CLMP: variants seen among roughly 807,000 people sequenced by gnomAD.
CLMP encodes CXADR like cell adhesion molecule.
CLMP carries 27 observed loss-of-function variants against 45.2 expected under a neutral mutation model. The observed-to-expected ratio is 0.60, with a 90% CI of 0.44 to 0.82. The LOEUF (loss-of-function observed/expected upper bound fraction) is 0.82. Ranked by LOEUF, CLMP falls within the 40% of genes least tolerant of loss-of-function variation. The pLI is 0.00. For missense variants in CLMP, 403 were observed against 448.4 expected (o/e 0.90, Z 0.91); for synonymous variants, 167 against 171.4 (o/e 0.97, Z 0.20).
intron 1 of CLMP, among the ~76,000 whole-genome samples, chr11:123,175,361 G>A (rs1191648682): frequency 2.0e-5 from 3 of 152,154 alleles, no homozygotes; most frequent in Admixed American, 6.5e-5. Flanking sequence ...CAGATCTCAC[G>A]AGAACTCACT....
At chr11:123,087,328 A>T (rs1256773603) in intron 2 of CLMP, among the ~76,000 whole-genome samples, 4 of 150,732 alleles carry the variant, frequency 2.7e-5, no homozygotes, top group African/African-American at 9.8e-5. Context: ...CAAGAGCGAA[A>T]CTCCGTCTCA....
chr11:123,091,055 C>T (rs1038273147), intron 2 of CLMP, among the ~76,000 whole-genome samples: 5 of 152,146 alleles, frequency 3.3e-5, no homozygotes, highest in Non-Finnish European at 7.4e-5. Context: ...TACTGTGGTA[C>T]TGGAGTGATT....
rs568019451 is a variant in CLMP at position 123,119,745 on chromosome 11, G to A, written c.29-21793C>T. On this transcript the variant is annotated intron_variant, in intron 1 of 6. Coordinates refer to ENST00000448775, the MANE Select transcript of CLMP (RefSeq NM_024769.5). ...TTTGTTGCTCAGACTGGAGTACAGCGGTGCAATGTCTGCTCACAGCAATCT... is the reference window on the plus strand; with the variant it reads ...TTTGTTGCTCAGACTGGAGTACAGCAGTGCAATGTCTGCTCACAGCAATCT... Among the ~76,000 whole-genome samples the A allele has an allele frequency of 8.6e-5, 13 of 151,632 alleles. No individual in the cohort carries two copies. In the South Asian group the frequency reaches 1.0e-3, roughly 12 times the overall value.
At chr11:123,076,631 G>A (rs865797902) in intron 5 of CLMP, among the ~76,000 whole-genome samples, 1 of 152,156 alleles carries the variant, frequency 6.6e-6, no homozygotes, top group African/African-American at 2.4e-5. Flanking sequence ...GCAGAAAACA[G>A]CAAGTACAAT....
intron 1 of CLMP, among the ~76,000 whole-genome samples, chr11:123,185,661 A>G (rs1861825523): frequency 6.6e-6 from 1 of 152,116 alleles, no homozygotes; most frequent in African/African-American, 2.4e-5. Flanking sequence ...GCAGATGGGT[A>G]CCAGGCCTCC....
At chr11:123,112,430 A>C (rs1469784031) in intron 1 of CLMP, among the ~76,000 whole-genome samples, 1 of 144,848 alleles carries the variant, frequency 6.9e-6, no homozygotes, top group Non-Finnish European at 1.5e-5. Flanking sequence ...CTCCGCCTCC[A>C]GGGTTGAAGT....
chr11:123,150,581 GA>G lies in CLMP; in HGVS notation c.28+44331del, dbSNP rs1368807635. Among the ~76,000 whole-genome samples, 14 of 108,844 alleles carry G rather than the reference GA, an allele frequency of 1.3e-4. 1 individual carries two copies. Among genetic ancestry groups the G allele is most frequent in the African/African-American group, 5.5e-4 (12 of 21,738 alleles). 71.4% of individuals were successfully genotyped at this position (108,844 alleles called of 152,430 possible). A position where few individuals can be genotyped will look rare whatever the true frequency, so the allele number is the denominator to read the frequency against. On this transcript the variant is annotated intron_variant, in intron 1 of 6. Transcript: ENST00000448775. ...GAAGGAAAGGAAGGAAGGAAGGAAG[GA>G]AAGGAAGGAAGGAAGGAAGGAATGA...
intron 1 of CLMP, among the ~76,000 whole-genome samples, chr11:123,121,007 A>G (rs1267781773): frequency 6.6e-6 from 1 of 151,410 alleles, no homozygotes; most frequent in East Asian, 2.0e-4. Context: ...AGGAGCCTGT[A>G]GTCCCAGCTA....
At chr11:123,103,037 T>C (rs1454643939) in intron 1 of CLMP, among the ~76,000 whole-genome samples, 3 of 152,148 alleles carry the variant, frequency 2.0e-5, no homozygotes, top group Non-Finnish European at 4.4e-5. Context: ...ACGCTCATTT[T>C]TACCAATGAG....
chr11:123,193,875 C>T (rs1861941538), intron 1 of CLMP, among the ~76,000 whole-genome samples: 1 of 152,144 alleles, frequency 6.6e-6, no homozygotes, highest in Non-Finnish European at 1.5e-5. Context: ...AAAACCAGGA[C>T]CAGCTCTCCC....
intron 1 of CLMP, among the ~76,000 whole-genome samples, chr11:123,183,766 T>G (rs1861798734): frequency 6.6e-6 from 1 of 152,124 alleles, no homozygotes. Context: ...GAAAGCTCAC[T>G]GACTGCCCAC....
chr11:123,085,174 C>G (rs1345614602), intron 2 of CLMP, among the ~76,000 whole-genome samples: 1 of 141,098 alleles, frequency 7.1e-6, no homozygotes, highest in Non-Finnish European at 1.5e-5. Flanking sequence ...GCAAACCTGC[C>G]TCCCATTCTT....
intron 1 of CLMP, among the ~76,000 whole-genome samples, chr11:123,101,229 C>T (rs1866056005): frequency 6.6e-6 from 1 of 152,208 alleles, no homozygotes; most frequent in Non-Finnish European, 1.5e-5. Flanking sequence ...CTGTCTCAGT[C>T]TCTGGAGTAG....
intron 1 of CLMP, among the ~76,000 whole-genome samples, chr11:123,150,447 G>GAA (rs1434268099): frequency 3.7e-5 from 3 of 80,174 alleles, no homozygotes; most frequent in Non-Finnish European, 5.1e-5. Flanking sequence ...AAGAAAGAAA[G>GAA]AAAGAAAGAA....
chr11:123,073,514 C>T lies in CLMP; in HGVS notation c.1082G>A (p.Ser361Asn), dbSNP rs747028931. ...ANLTKAETTP[S>N]MIPSQSRAFQ... ...GGCTCTGCTCTGGCTGGGGATCATG[C>T]TGGGTGTGGTTTCTGCTTTGGTCAG... Residue 361 changes from serine (S) to asparagine (N), a missense_variant, in exon 7 of 7, where the codon AGC becomes AAC. By Grantham distance (46) the Ser-to-Asn change is conservative. Coordinates refer to ENST00000448775, the MANE Select transcript of CLMP (RefSeq NM_024769.5). 8 of 1,613,880 alleles carry T rather than the reference C, an allele frequency of 5.0e-6. No homozygotes were observed. The Admixed American group carries it at 8.3e-5, about 17-fold the overall frequency.
At chr11:123,153,668 T>C (rs1861371574) in intron 1 of CLMP, among the ~76,000 whole-genome samples, 2 of 152,092 alleles carry the variant, frequency 1.3e-5, no homozygotes, top group African/African-American at 2.4e-5. Flanking sequence ...GATTCCCTTT[T>C]AATGCTTTTT....
rs1032638344 is a variant in CLMP, at chr11:123,072,696, A to G, written c.*778T>C. On this transcript the variant is annotated 3_prime_UTR_variant, in exon 7 of 7. Transcript: ENST00000448775. The stretch of plus-strand genomic sequence containing the variant: ...CATCTGATTTGAGGGGAAATCCACA[A>G]TTGCTCCATTATATATTTCTAATGT... 1 of 152,210 alleles carries G rather than the reference A, an allele frequency of 6.6e-6. No homozygotes were observed. Among genetic ancestry groups the G allele is most frequent in the Non-Finnish European group, 1.5e-5 (1 of 68,028 alleles). 9.4% of individuals were successfully genotyped at this position (152,210 alleles called of 1,614,324 possible).
At chr11:123,128,832 G>T (rs11219004) in intron 1 of CLMP, among the ~76,000 whole-genome samples, 20,575 of 152,048 alleles carry the variant, frequency 0.14, 1,740 homozygotes, top group African/African-American at 0.22. Flanking sequence ...ATGGAACACT[G>T]GCTAAGAGCT....
At chr11:123,151,328 G>A (rs1255054614) in intron 1 of CLMP, among the ~76,000 whole-genome samples, 9 of 152,138 alleles carry the variant, frequency 5.9e-5, no homozygotes, top group South Asian at 2.1e-4. Flanking sequence ...CCTAGTATTC[G>A]GTCCTGGCTT....
Sources: gnomAD v4.1 joint callset for allele counts (sites outside exome capture counted in the v4.1 genomes callset) on GRCh38, gnomAD v4.1.1 for gene constraint, MANE v1.5 for transcripts, NCBI Gene and HGNC (gene_info 2026-07-23, HGNC 2026-07-21) for gene names.